WSCD2: variants seen among roughly 807,000 people sequenced by gnomAD.
WSCD2 encodes the protein sialate:O-sulfotransferase 2.
A neutral mutation model predicts 55.7 loss-of-function variants in WSCD2; 28 were observed. That is an observed-to-expected ratio of 0.50 (90% confidence interval 0.37 to 0.69). The LOEUF is 0.69. Among genes scored for constraint, WSCD2 ranks in the 30% least tolerant of loss-of-function variants. The pLI is 0.00. For missense variants in WSCD2, 616 were observed against 762.1 expected (o/e 0.81, Z 2.26); for synonymous variants, 301 against 301.9 (o/e 1.00, Z 0.03).
intron 8 of WSCD2, among the ~76,000 whole-genome samples, chr12:108,242,627 A>G (rs1889843481): frequency 6.6e-6 from 1 of 152,028 alleles, no homozygotes; most frequent in Non-Finnish European, 1.5e-5. Context: ...TTCAACTTTT[A>G]TTTTAAGTTC....
intron 1 of WSCD2, among the ~76,000 whole-genome samples, chr12:108,148,522 G>A (rs1169973071): frequency 2.6e-5 from 4 of 152,094 alleles, no homozygotes; most frequent in Non-Finnish European, 5.9e-5. Flanking sequence ...TTAATAAATG[G>A]AATTATCATT....
chr12:108,152,150 AAGCAAAACCC>A (rs970096881), intron 1 of WSCD2, among the ~76,000 whole-genome samples: 3 of 152,212 alleles, frequency 2.0e-5, no homozygotes, highest in South Asian at 2.1e-4. Context: ...AAAAGAAGAG[AAGCAAAACCC>A]AGCAAAACTG....
At chr12:108,162,361 CAT>C (rs968516125) in intron 1 of WSCD2, among the ~76,000 whole-genome samples, 1 of 152,158 alleles carries the variant, frequency 6.6e-6, no homozygotes, top group Non-Finnish European at 1.5e-5. Flanking sequence ...TAATCAAACA[CAT>C]ATGCCTTGGA....
intron 1 of WSCD2, among the ~76,000 whole-genome samples, chr12:108,166,761 T>TC (rs1555225182): frequency 8.0e-6 from 1 of 124,820 alleles, no homozygotes; most frequent in African/African-American, 3.1e-5. Flanking sequence ...TCTTTCTTTC[T>TC]TTTCTTTCTT....
At chr12:108,138,129 A>G (rs1010920143) in intron 1 of WSCD2, among the ~76,000 whole-genome samples, 1 of 152,204 alleles carries the variant, frequency 6.6e-6, no homozygotes, top group Non-Finnish European at 1.5e-5. Context: ...TTCAACTTCT[A>G]TATCTCATGT....
intron 1 of WSCD2, among the ~76,000 whole-genome samples, chr12:108,152,923 T>C (rs1404174911): frequency 6.6e-6 from 1 of 152,098 alleles, no homozygotes; most frequent in Non-Finnish European, 1.5e-5. Context: ...GCCAACATGG[T>C]GAAACCCTGT....
At chr12:108,214,189 G>A (rs1252237103) in intron 4 of WSCD2, among the ~76,000 whole-genome samples, 1 of 152,228 alleles carries the variant, frequency 6.6e-6, no homozygotes, top group Non-Finnish European at 1.5e-5. Flanking sequence ...TTAACACTGT[G>A]TCCTAATTGT....
rs1457881910 is a variant in WSCD2 at position 108,206,411 on chromosome 12, C to T, written c.497+8C>T. On this transcript the variant is annotated splice_region_variant and intron_variant, in intron 3 of 8. Coordinates refer to ENST00000547525, the MANE Select transcript of WSCD2 (RefSeq NM_014653.4). The stretch of plus-strand genomic sequence containing the variant: ...GGACAACTGTGCTGAACGGTAGGGT[C>T]CCAGCATCCCAGACTTGTCCATTTC... The T allele has an allele frequency of 3.1e-6, 5 of 1,612,396 alleles. No individual in the cohort carries two copies. The highest frequency in any genetic ancestry group is 1.6e-4 in the Middle Eastern group (1 of 6,084).
intron 7 of WSCD2, among the ~76,000 whole-genome samples, chr12:108,235,664 AC>A (rs1289861832): frequency 6.6e-5 from 10 of 151,888 alleles, no homozygotes; most frequent in African/African-American, 2.4e-4. Flanking sequence ...AGAAAACATA[AC>A]CCCCCTGTGG....
chr12:108,217,159 C>T (rs1886935646), intron 4 of WSCD2, among the ~76,000 whole-genome samples: 1 of 152,258 alleles, frequency 6.6e-6, no homozygotes, highest in Non-Finnish European at 1.5e-5. Context: ...AAAGTGAAGA[C>T]ACCTGCCCAA....
intron 2 of WSCD2, among the ~76,000 whole-genome samples, chr12:108,203,638 T>C (rs1048904558): frequency 2.0e-5 from 3 of 152,230 alleles, no homozygotes; most frequent in Non-Finnish European, 4.4e-5. Flanking sequence ...CTTCACTCCA[T>C]GATGGACACG....
intron 1 of WSCD2, among the ~76,000 whole-genome samples, chr12:108,190,743 C>CA (rs1462049392): frequency 2.6e-5 from 4 of 152,330 alleles, no homozygotes; most frequent in African/African-American, 9.6e-5. Context: ...GCCACTCCCA[C>CA]AAAGGGGGCC....
chr12:108,220,133 T>G (rs533146389), intron 4 of WSCD2, among the ~76,000 whole-genome samples: 2 of 152,190 alleles, frequency 1.3e-5, no homozygotes, highest in South Asian at 2.1e-4. Context: ...AGTTCAGACA[T>G]TCCTAGGTTG....
chr12:108,228,588 G>A lies in WSCD2; in HGVS notation c.979+1424G>A, dbSNP rs143047018. ...GCTGCCATATGTGGTAGAGCAGGTT[G>A]AGCATTGCACTGGCACAGCCAACAG... On this transcript the variant is annotated intron_variant, in intron 6 of 8. Transcript: ENST00000547525. Among the ~76,000 whole-genome samples, 519 of 152,368 alleles carry A rather than the reference G, an allele frequency of 3.4e-3. 3 individuals carry two copies. Among genetic ancestry groups the A allele is most frequent in the Non-Finnish European group, 5.4e-3 (370 of 68,034 alleles).
At chr12:108,243,309 C>T (rs1342931909) in intron 8 of WSCD2, among the ~76,000 whole-genome samples, 5 of 151,352 alleles carry the variant, frequency 3.3e-5, no homozygotes, top group Non-Finnish European at 7.4e-5. Context: ...GTGATCTCGG[C>T]TCACTGCAAC....
chr12:108,247,447 C>A (rs1043825212), intron 8 of WSCD2, among the ~76,000 whole-genome samples: 1 of 152,038 alleles, frequency 6.6e-6, no homozygotes, highest in African/African-American at 2.4e-5. Context: ...ACATTGTTAT[C>A]CCCAAAGAGA....
chr12:108,190,678 T>G (rs944240531), intron 1 of WSCD2, among the ~76,000 whole-genome samples: 5 of 152,154 alleles, frequency 3.3e-5, no homozygotes, highest in African/African-American at 1.2e-4. Flanking sequence ...AAATAGTCTG[T>G]GTTTAGACAC....
chr12:108,139,938 C>A (rs913027536), intron 1 of WSCD2, among the ~76,000 whole-genome samples: 1 of 152,258 alleles, frequency 6.6e-6, no homozygotes. Flanking sequence ...ATCAGCTGAT[C>A]ACACAACCTT....
chr12:108,161,691 G>C (rs1468071488), intron 1 of WSCD2, among the ~76,000 whole-genome samples: 1 of 152,208 alleles, frequency 6.6e-6, no homozygotes, highest in East Asian at 1.9e-4. Context: ...GCCCGGCTTA[G>C]CACAGAGCCC....
Sources: gnomAD v4.1 joint callset for allele counts (sites outside exome capture counted in the v4.1 genomes callset) on GRCh38, gnomAD v4.1.1 for gene constraint, MANE v1.5 for transcripts, NCBI Gene and HGNC (gene_info 2026-07-23, HGNC 2026-07-21) for gene names.